The following SRGAP3 variants were observed in gnomAD, a reference collection of about 807,000 sequenced individuals.
SRGAP3 encodes SLIT-ROBO Rho GTPase-activating protein 3.
SRGAP3 carries 39 observed loss-of-function variants against 121.1 expected under a neutral mutation model. The observed-to-expected ratio is 0.32, with a 90% CI of 0.25 to 0.42. SRGAP3 has a LOEUF of 0.42. Among genes scored for constraint, SRGAP3 ranks in the 10% least tolerant of loss-of-function variants. The pLI is 1.00. For missense variants in SRGAP3, 1,213 were observed against 1,470.6 expected (o/e 0.82, Z 2.86); for synonymous variants, 601 against 570.0 (o/e 1.05, Z -0.77).
chr3:8,984,227 C>A lies in SRGAP3; in HGVS notation c.*1292G>T. Reference sequence around the variant, plus strand: ...GGAAGCTATGTCACTTGTATTAACTCAACTGACAGTGTCCTCTAGGACAGA... The same window carrying A: ...GGAAGCTATGTCACTTGTATTAACTAAACTGACAGTGTCCTCTAGGACAGA... On this transcript the variant is annotated 3_prime_UTR_variant, in exon 22 of 22. Transcript: ENST00000383836. 4.3e-6 allele frequency: 1 copy of A among 230,012 alleles called. No homozygotes were observed. 14.2% of individuals were successfully genotyped at this position (230,012 alleles called of 1,614,324 possible).
chr3:9,135,739 A>G (rs1263541912), intron 1 of SRGAP3, among the ~76,000 whole-genome samples: 1 of 152,240 alleles, frequency 6.6e-6, no homozygotes, highest in African/African-American at 2.4e-5. Context: ...CTCGGCGAAT[A>G]GCATCTATAC....
intron 2 of SRGAP3, among the ~76,000 whole-genome samples, chr3:9,121,127 T>C (rs1311015443): frequency 4.6e-5 from 7 of 152,184 alleles, no homozygotes; most frequent in Non-Finnish European, 7.3e-5. Flanking sequence ...GTGGACTAGA[T>C]AGACCAAGTC....
chr3:9,311,442 T>G (rs1955245006), intron 3 of SRGAP3, among the ~76,000 whole-genome samples: 1 of 152,196 alleles, frequency 6.6e-6, no homozygotes, highest in African/African-American at 2.4e-5. Flanking sequence ...GCCAACTTTT[T>G]CTGCAAAGAG....
intron 1 of SRGAP3, among the ~76,000 whole-genome samples, chr3:9,171,054 G>A (rs1341934330): frequency 6.6e-6 from 1 of 152,188 alleles, no homozygotes; most frequent in Non-Finnish European, 1.5e-5. Context: ...TGCTATAGAT[G>A]GCCTGACCCT....
At chr3:9,026,609 A>G (rs1196798484) in intron 13 of SRGAP3, among the ~76,000 whole-genome samples, 2 of 152,230 alleles carry the variant, frequency 1.3e-5, no homozygotes, top group Non-Finnish European at 2.9e-5. Flanking sequence ...CATGGAGCTT[A>G]TAATCTAGCC....
intron 1 of SRGAP3, among the ~76,000 whole-genome samples, chr3:9,215,020 G>C (rs1952569193): frequency 6.6e-6 from 1 of 152,190 alleles, no homozygotes; most frequent in Admixed American, 6.5e-5. Context: ...AGGAAGGAGA[G>C]CTAAGTGGTG....
intron 2 of SRGAP3, among the ~76,000 whole-genome samples, chr3:9,107,366 G>C (rs1948455195): frequency 1.3e-5 from 2 of 152,240 alleles, no homozygotes; most frequent in Admixed American, 6.5e-5. Context: ...CATACGCAGA[G>C]CATCAGTTCT....
At chr3:9,159,136 T>C (rs181644504) in intron 1 of SRGAP3, among the ~76,000 whole-genome samples, 1 of 152,274 alleles carries the variant, frequency 6.6e-6, no homozygotes, top group African/African-American at 2.4e-5. Context: ...TCTCTTTGCC[T>C]GCCCACCTAG....
chr3:9,048,304 T>C (rs889553676), intron 9 of SRGAP3, among the ~76,000 whole-genome samples: 10 of 152,242 alleles, frequency 6.6e-5, no homozygotes, highest in Admixed American at 5.9e-4. Context: ...CCACTGGGCA[T>C]GCCTCTGCTG....
chr3:9,297,901 A>AC (rs1054819508), intron 3 of SRGAP3, among the ~76,000 whole-genome samples: 3 of 152,090 alleles, frequency 2.0e-5, no homozygotes, highest in Admixed American at 6.5e-5. Flanking sequence ...GTCTCAAAAA[A>AC]AAAAAAAGAG....
intron 1 of SRGAP3, among the ~76,000 whole-genome samples, chr3:9,335,818 A>G (rs1955683515): frequency 6.6e-6 from 1 of 152,150 alleles, no homozygotes; most frequent in African/African-American, 2.4e-5. Context: ...TTAAGATTTA[A>G]ATGGTCTGGG....
intron 3 of SRGAP3, among the ~76,000 whole-genome samples, chr3:9,323,027 G>A (rs149486071): frequency 2.8e-4 from 42 of 151,960 alleles, no homozygotes; most frequent in African/African-American, 9.4e-4. Flanking sequence ...ACACAGATAT[G>A]TCCCAGAGGC....
intron 18 of SRGAP3, among the ~76,000 whole-genome samples, chr3:8,999,140 G>A (rs1942595286): frequency 6.6e-6 from 1 of 152,226 alleles, no homozygotes. Flanking sequence ...AGTGAGGGAA[G>A]AGATGAACAG....
At chr3:9,346,234 T>C (rs547078579) in intron 1 of SRGAP3, among the ~76,000 whole-genome samples, 2 of 152,114 alleles carry the variant, frequency 1.3e-5, no homozygotes, top group African/African-American at 4.8e-5. Flanking sequence ...TTTTCTATCT[T>C]TAAATTTTTT....
intron 4 of SRGAP3, among the ~76,000 whole-genome samples, chr3:9,075,959 G>A (rs901707592): frequency 6.6e-6 from 1 of 152,150 alleles, no homozygotes; most frequent in Non-Finnish European, 1.5e-5. Context: ...TGCAGGCATG[G>A]CCCTTTGCAT....
At chr3:9,288,066 T>C (rs1252195549) in intron 3 of SRGAP3, among the ~76,000 whole-genome samples, 2 of 152,032 alleles carry the variant, frequency 1.3e-5, no homozygotes, top group African/African-American at 4.8e-5. Context: ...CCTCTTCTTA[T>C]GGAATACTAA....
intron 2 of SRGAP3, among the ~76,000 whole-genome samples, chr3:9,105,522 G>A (rs1948392122): frequency 6.6e-6 from 1 of 152,168 alleles, no homozygotes. Flanking sequence ...TTCTTAAAGT[G>A]TGCTCCCAGA....
intron 1 of SRGAP3, among the ~76,000 whole-genome samples, chr3:9,184,418 T>C (rs1951530941): frequency 6.6e-6 from 1 of 152,150 alleles, no homozygotes; most frequent in African/African-American, 2.4e-5. Context: ...TGAGCGTCAG[T>C]TTCTTCATCT....
chr3:9,122,053 C>T (rs1435776666), intron 2 of SRGAP3, among the ~76,000 whole-genome samples: 1 of 152,194 alleles, frequency 6.6e-6, no homozygotes, highest in Non-Finnish European at 1.5e-5. Context: ...GGTTCACAGA[C>T]ATGTTTGGAC....
Sources: gnomAD v4.1 joint callset for allele counts (sites outside exome capture counted in the v4.1 genomes callset) on GRCh38, gnomAD v4.1.1 for gene constraint, MANE v1.5 for transcripts, NCBI Gene and HGNC (gene_info 2026-07-23, HGNC 2026-07-21) for gene names.